The following PAIP1 variants were observed in gnomAD, a reference collection of about 807,000 sequenced individuals.
PAIP1 encodes polyadenylate-binding protein-interacting protein 1.
A neutral mutation model predicts 61.3 loss-of-function variants in PAIP1; 16 were observed. That is an observed-to-expected ratio of 0.26 (90% CI 0.18 to 0.40). PAIP1 has a LOEUF of 0.40. PAIP1 is among the 10% of genes least tolerant of loss of function. The pLI, the probability that PAIP1 is intolerant of heterozygous loss-of-function variation, is 1.00. For synonymous variants in PAIP1, 187 were observed against 226.2 expected (o/e 0.83, Z 1.56); for missense variants, 416 against 600.9 (o/e 0.69, Z 3.22).
intron 5 of PAIP1, among the ~76,000 whole-genome samples, chr5:43,538,133 T>C (rs1413402104): frequency 6.6e-6 from 1 of 152,072 alleles, no homozygotes; most frequent in Non-Finnish European, 1.5e-5. Context: ...CGTTTAGCTG[T>C]AGACTTTGTA....
chr5:43,547,069 A>AAAAAAC (rs1747666773), intron 3 of PAIP1, among the ~76,000 whole-genome samples: 4 of 149,054 alleles, frequency 2.7e-5, no homozygotes, highest in African/African-American at 4.9e-5. Flanking sequence ...AAAAAAAAAA[A>AAAAAAC]GCGTTAATAT....
intron 9 of PAIP1, 102 bp from the exon 10 acceptor site, chr5:43,529,981 G>C: frequency 9.1e-6 from 6 of 658,170 alleles, no homozygotes; most frequent in Non-Finnish European, 1.6e-5. Flanking sequence ...TTGCCCCCCT[G>C]CATGCTCAGA....
intron 5 of PAIP1, among the ~76,000 whole-genome samples, chr5:43,537,919 G>A (rs548207042): frequency 2.0e-5 from 3 of 149,994 alleles, no homozygotes; most frequent in East Asian, 3.9e-4. Flanking sequence ...GCTTGAACCC[G>A]GGAGGCGGAG....
intron 4 of PAIP1, among the ~76,000 whole-genome samples, chr5:43,539,868 G>GT (rs1747326598): frequency 6.6e-6 from 1 of 152,192 alleles, no homozygotes; most frequent in Non-Finnish European, 1.5e-5. Context: ...GACTGTAAAA[G>GT]TTTATCATTT....
In PAIP1 at chr5:43,530,995, C is replaced by T. The variant is rs1035039668; in HGVS notation, c.1253-1116G>A. ...CCTGGGACCCTCAAAGGTCTGGTAT[C>T]TTAAACAAAAGGTGAATCAGGAAAA... On this transcript the variant is annotated intron_variant, in intron 9 of 10. Transcript: ENST00000306846. Among the ~76,000 whole-genome samples the T allele has an allele frequency of 3.9e-5, 6 of 152,120 alleles. No individual in the cohort carries two copies. In the South Asian group the frequency reaches 8.3e-4, roughly 21 times the overall value.
chr5:43,533,864 A>G (rs1747042061), intron 8 of PAIP1, 72 bp from the exon 9 acceptor site: 2 of 902,938 alleles, frequency 2.2e-6, no homozygotes, highest in Non-Finnish European at 3.8e-6. Flanking sequence ...ATAATGAAGC[A>G]TGGCTGATGT....
intron 3 of PAIP1, among the ~76,000 whole-genome samples, chr5:43,546,885 A>G (rs1022658999): frequency 6.6e-6 from 1 of 152,008 alleles, no homozygotes; most frequent in African/African-American, 2.4e-5. Flanking sequence ...TCTATCAAAA[A>G]TACAAAAATT....
intron 2 of PAIP1, among the ~76,000 whole-genome samples, chr5:43,549,596 T>C (rs1747784151): frequency 6.6e-6 from 1 of 152,118 alleles, no homozygotes; most frequent in Middle Eastern, 3.2e-3. Context: ...TCCAATTAAA[T>C]CTCTTTTTCT....
intron 2 of PAIP1, among the ~76,000 whole-genome samples, chr5:43,553,979 CCATTCAGGG>C (rs1329792528): frequency 6.6e-6 from 1 of 152,040 alleles, no homozygotes; most frequent in East Asian, 1.9e-4. Context: ...AAAAACAAAC[CCATTCAGGG>C]CTAGAGAAGA....
chr5:43,535,008 A>G (rs763504755), intron 7 of PAIP1, 38 bp from the exon 8 acceptor site: 4 of 1,107,568 alleles, frequency 3.6e-6, no homozygotes, highest in South Asian at 1.3e-5. Flanking sequence ...TGTATCCACC[A>G]TAAGGGCTGT....
At chr5:43,543,800 G>T (rs1747519544) in intron 3 of PAIP1, among the ~76,000 whole-genome samples, 2 of 152,110 alleles carry the variant, frequency 1.3e-5, no homozygotes. Context: ...CTAAAGAATA[G>T]TAGAGAACAT....
chr5:43,556,835 A>G lies in PAIP1; in HGVS notation c.12T>C (p.Gly4=). 2.1e-6 allele frequency: 3 copies of G among 1,445,286 alleles called. No homozygotes were observed. Among genetic ancestry groups the G allele is most frequent in the Non-Finnish European group, 1.8e-6 (2 of 1,101,254 alleles). The allele number at this position is 1,445,286 out of a possible 1,614,324, so 89.5% of individuals were successfully genotyped here. A position where few individuals can be genotyped will look rare whatever the true frequency, so the allele number is the denominator to read the frequency against. MSD[G]FDRAPGAGRG... ...GACCAGCACCTGGGGCCCGATCGAA[A>G]CCGTCCGACATGCTCCTCCTCCTCC... Residue 4 remains glycine (G), a synonymous_variant, in exon 1 of 11, where the codon GGT becomes GGC. Transcript: ENST00000306846.
chr5:43,556,394 G>A, intron 1 of PAIP1, 188 bp downstream of exon 1: 4 of 1,231,816 alleles, frequency 3.2e-6, no homozygotes, highest in Non-Finnish European at 4.0e-6. Context: ...GCGCACAAAG[G>A]ATTCCAGCAG....
At chr5:43,540,875 A>T (rs569448453) in intron 4 of PAIP1, among the ~76,000 whole-genome samples, 2 of 152,232 alleles carry the variant, frequency 1.3e-5, no homozygotes, top group African/African-American at 4.8e-5. Context: ...AGAATTTCAA[A>T]GGGTTCAGAC....
chr5:43,530,339 T>C, intron 9 of PAIP1, among the ~76,000 whole-genome samples: 1 of 152,214 alleles, frequency 6.6e-6, no homozygotes, highest in East Asian at 1.9e-4. Flanking sequence ...AGCTACCTGG[T>C]AAACGTTTCA....
At chr5:43,556,507 G>C in intron 1 of PAIP1, 75 bp downstream of exon 1, 2 of 1,215,980 alleles carry the variant, frequency 1.6e-6, no homozygotes, top group Non-Finnish European at 1.0e-6. Flanking sequence ...ACAGCGCGTC[G>C]GGCCTCGGCA....
At position 43,541,126 on chromosome 5, in the gene PAIP1, C is replaced by CATT. The variant is rs563202116; in HGVS notation, c.734+1875_734+1877dup. 3.9e-3 allele frequency among the ~76,000 whole-genome samples: 559 copies of CATT among 144,834 alleles called. 8 individuals carry two copies. Among genetic ancestry groups the CATT allele is most frequent in the African/African-American group, 0.014 (529 of 38,490 alleles). ...TATTTGGCGCTATTCCAAGTATTTT[C>CATT]ATTATTATTATTATTTTTGATACGG... On this transcript the variant is annotated intron_variant, in intron 4 of 10. Coordinates refer to ENST00000306846, the MANE Select transcript of PAIP1 (RefSeq NM_006451.5).
chr5:43,535,673 T>C (rs1747116485), intron 6 of PAIP1, 33 bp from the exon 7 acceptor site: 4 of 1,133,530 alleles, frequency 3.5e-6, no homozygotes, highest in Non-Finnish European at 5.3e-6. Flanking sequence ...AATAAGAAAT[T>C]CAATAGTGTA....
At chr5:43,547,604 G>A in intron 3 of PAIP1, 124 bp downstream of exon 3, 1 of 639,446 alleles carries the variant, frequency 1.6e-6, no homozygotes, top group Non-Finnish European at 2.7e-6. Flanking sequence ...AGAACTCCCG[G>A]AAACTATAAA....
Sources: gnomAD v4.1 joint callset for allele counts (sites outside exome capture counted in the v4.1 genomes callset) on GRCh38, gnomAD v4.1.1 for gene constraint, MANE v1.5 for transcripts, NCBI Gene and HGNC (gene_info 2026-07-23, HGNC 2026-07-21) for gene names.